TNIK: variants seen among roughly 807,000 people sequenced by gnomAD.
TNIK encodes TRAF2 and NCK-interacting protein kinase.
Under a neutral mutation model 191.3 loss-of-function variants are expected in TNIK, and 49 were observed. That is an observed-to-expected ratio of 0.26 (90% CI 0.20 to 0.32). The LOEUF (loss-of-function observed/expected upper bound fraction) is 0.32, where lower values mean the gene tolerates loss of function less well. TNIK is among the 10% of genes least tolerant of loss of function. The pLI, the probability that TNIK is intolerant of heterozygous loss-of-function variation, is 1.00. For missense variants in TNIK, 1,155 were observed against 1,702.3 expected, an observed-to-expected ratio of 0.68 and a Z score of 5.66; for synonymous variants, 594 against 600.9, an observed-to-expected ratio of 0.99 and a Z score of 0.17.
intron 22 of TNIK, among the ~76,000 whole-genome samples, chr3:171,099,372 A>G (rs1345145169): frequency 9.0e-6 from 1 of 111,500 alleles, no homozygotes; most frequent in South Asian, 2.8e-4. Context: ...ATATTACCTC[A>G]GGATTTTTTT....
At chr3:171,218,929 G>A (rs1203053862) in intron 3 of TNIK, among the ~76,000 whole-genome samples, 1 of 120,184 alleles carries the variant, frequency 8.3e-6, no homozygotes, top group Admixed American at 9.1e-5. Context: ...ATTTTTATAT[G>A]TTTTATATAT....
intron 28 of TNIK, 119 bp downstream of exon 28, chr3:171,079,399 C>T (rs1473744334): frequency 5.9e-6 from 7 of 1,176,710 alleles, no homozygotes; most frequent in Non-Finnish European, 8.0e-6. Flanking sequence ...GTTCCAGCAA[C>T]ATCTGAAGCT....
rs940561864 is a variant in TNIK, at chr3:171,456,971, C to T, written c.57+3036G>A. Among the ~76,000 whole-genome samples the T allele has an allele frequency of 2.6e-5, 4 of 152,220 alleles. No homozygotes were observed. The East Asian group carries it at 5.8e-4, about 22-fold the overall frequency. On this transcript the variant is annotated intron_variant, in intron 1 of 32. Coordinates refer to ENST00000436636, the MANE Select transcript of TNIK (RefSeq NM_015028.4). ...GTGTGACCTTGAACAACTTACTTCA[C>T]GCCTCTGGGCTTCAGTTTCCCAAGT...
In TNIK at chr3:171,175,237, G is replaced by T; in HGVS notation, c.773+15C>A. On this transcript the variant is annotated intron_variant, in intron 9 of 32. Transcript: ENST00000436636. Reference sequence around the variant, plus strand: ...CTCACCCTTAGATCTGCGAAACATCGAAGACCAAACTCACCACTTCTTAGA... The same window carrying T: ...CTCACCCTTAGATCTGCGAAACATCTAAGACCAAACTCACCACTTCTTAGA... The T allele has an allele frequency of 6.2e-7, 1 of 1,610,354 alleles. No homozygotes were observed. Among genetic ancestry groups the T allele is most frequent in the Non-Finnish European group, 8.5e-7 (1 of 1,178,330 alleles).
chr3:171,431,969 T>C (rs147551481), intron 1 of TNIK, among the ~76,000 whole-genome samples: 1 of 152,366 alleles, frequency 6.6e-6, no homozygotes, highest in East Asian at 1.9e-4. Flanking sequence ...TTTCCTTATT[T>C]TGTATTGTAT....
At chr3:171,139,378 G>GCGCACACACACACACA (rs35492114) in intron 14 of TNIK, 92 bp downstream of exon 14, 37 of 692,870 alleles carry the variant, frequency 5.3e-5, no homozygotes, top group South Asian at 2.1e-4. Context: ...ACGCACGCGC[G>GCGCACACACACACACA]CACACACACA....
chr3:171,130,738 AATAG>A (rs953118295), intron 15 of TNIK, among the ~76,000 whole-genome samples: 32 of 152,214 alleles, frequency 2.1e-4, no homozygotes, highest in African/African-American at 6.8e-4. Flanking sequence ...GTAGATCATT[AATAG>A]ATAAGTCATA....
At chr3:171,248,975 A>C (rs545371442) in intron 2 of TNIK, among the ~76,000 whole-genome samples, 2 of 152,240 alleles carry the variant, frequency 1.3e-5, no homozygotes, top group African/African-American at 4.8e-5. Context: ...GACTAGGACG[A>C]CGTTATAAAT....
intron 2 of TNIK, among the ~76,000 whole-genome samples, chr3:171,265,070 C>T (rs1019279373): frequency 3.3e-5 from 5 of 152,142 alleles, no homozygotes; most frequent in African/African-American, 1.2e-4. Flanking sequence ...GCTCATTAGG[C>T]ATCTACTAGA....
At chr3:171,378,103 G>C (rs1156697657) in intron 1 of TNIK, among the ~76,000 whole-genome samples, 1 of 152,230 alleles carries the variant, frequency 6.6e-6, no homozygotes, top group Non-Finnish European at 1.5e-5. Context: ...TGGTTGCTTG[G>C]TGTCCCTGCC....
chr3:171,372,508 A>T (rs2108499317), intron 1 of TNIK, among the ~76,000 whole-genome samples: 1 of 152,326 alleles, frequency 6.6e-6, no homozygotes, highest in South Asian at 2.1e-4. Flanking sequence ...CTGAACTGAA[A>T]TGTAGTGGTA....
intron 1 of TNIK, among the ~76,000 whole-genome samples, chr3:171,383,352 GA>G (rs1295406490): frequency 1.3e-5 from 2 of 152,166 alleles, no homozygotes; most frequent in East Asian, 3.9e-4. Flanking sequence ...GAGTGTCTTT[GA>G]ACTCAAAACC....
chr3:171,390,085 T>C (rs777080041), intron 1 of TNIK, among the ~76,000 whole-genome samples: 13 of 152,170 alleles, frequency 8.5e-5, no homozygotes, highest in Non-Finnish European at 1.6e-4. Context: ...CACCTTCAGT[T>C]GCCAAGCCAT....
chr3:171,169,510 C>T (rs1438225688), intron 9 of TNIK, among the ~76,000 whole-genome samples: 1 of 152,176 alleles, frequency 6.6e-6, no homozygotes, highest in Non-Finnish European at 1.5e-5. Flanking sequence ...TCAGATGATT[C>T]GCCTACCTCA....
intron 2 of TNIK, among the ~76,000 whole-genome samples, chr3:171,305,133 A>G (rs1305734319): frequency 6.6e-6 from 1 of 151,752 alleles, no homozygotes; most frequent in Non-Finnish European, 1.5e-5. Context: ...GTGCTAATAA[A>G]CACTAGATTA....
chr3:171,061,143 G>A lies in TNIK; in HGVS notation c.*2738C>T, dbSNP rs1717785939. 6.6e-6 allele frequency among the ~76,000 whole-genome samples: 1 copy of A among 152,128 alleles called. No individual in the cohort carries two copies. Among genetic ancestry groups the A allele is most frequent in the Non-Finnish European group, 1.5e-5 (1 of 68,020 alleles). On this transcript the variant is annotated 3_prime_UTR_variant, in exon 33 of 33. Coordinates refer to ENST00000436636, the MANE Select transcript of TNIK (RefSeq NM_015028.4). ...CAAGGACACCATTCTGACGTATTCTGCATGTTCTAGGCCTCCTTATGTCAG... is the reference window on the plus strand; with the variant it reads ...CAAGGACACCATTCTGACGTATTCTACATGTTCTAGGCCTCCTTATGTCAG...
intron 1 of TNIK, among the ~76,000 whole-genome samples, chr3:171,417,696 T>C (rs1723266362): frequency 6.6e-6 from 1 of 152,222 alleles, no homozygotes; most frequent in Non-Finnish European, 1.5e-5. Flanking sequence ...GATTGCTCAC[T>C]GAACTTCAAT....
chr3:171,177,982 G>C (rs905822907), intron 7 of TNIK, among the ~76,000 whole-genome samples: 1 of 152,202 alleles, frequency 6.6e-6, no homozygotes. Context: ...TATTCGATCT[G>C]TTTCACGTAG....
chr3:171,322,576 C>G (rs931432370), intron 2 of TNIK, among the ~76,000 whole-genome samples: 2 of 152,104 alleles, frequency 1.3e-5, no homozygotes, highest in Non-Finnish European at 2.9e-5. Context: ...TTTGATCATT[C>G]CAAATTGCTA....
Sources: gnomAD v4.1 joint callset for allele counts (sites outside exome capture counted in the v4.1 genomes callset) on GRCh38, gnomAD v4.1.1 for gene constraint, MANE v1.5 for transcripts, NCBI Gene and HGNC (gene_info 2026-07-23, HGNC 2026-07-21) for gene names.